Variants in DGCR2 observed in about 807,000 individuals in gnomAD.
DGCR2 encodes DiGeorge syndrome critical region gene 2.
In DGCR2, 24 loss-of-function variants were observed where a neutral mutation model predicts 51.6. The ratio of observed to expected loss-of-function variants is 0.47; its 90% CI spans 0.34 to 0.65. The LOEUF (loss-of-function observed/expected upper bound fraction) is 0.65, where lower values mean the gene tolerates loss of function less well. Ranked by LOEUF, DGCR2 falls within the 30% of genes least tolerant of loss-of-function variation. The pLI, the probability that DGCR2 is intolerant of heterozygous loss-of-function variation, is 0.01. For synonymous variants in DGCR2, 340 were observed against 315.4 expected (o/e 1.08, Z -0.82); for missense variants, 765 against 772.1 (o/e 0.99, Z 0.11).
intron 6 of DGCR2, among the ~76,000 whole-genome samples, chr22:19,052,273 G>A (rs2082555968): frequency 6.7e-6 from 1 of 149,730 alleles, no homozygotes; most frequent in East Asian, 2.0e-4. Context: ...AAAATTAGCT[G>A]GGCGTAGTGG....
At chr22:19,042,919 C>G (rs2082449229) in intron 7 of DGCR2, among the ~76,000 whole-genome samples, 1 of 152,176 alleles carries the variant, frequency 6.6e-6, no homozygotes, top group Admixed American at 6.5e-5. Context: ...CCTGACGCAC[C>G]CAGCCCTGGC....
Position 19,039,181 on chromosome 22 carries a change from G to A in DGCR2, c.1397-60C>T, listed in dbSNP as rs1018778896. 67 of 1,595,804 alleles carry A rather than the reference G, an allele frequency of 4.2e-5. No homozygotes were observed. In the African/African-American group the frequency reaches 7.9e-4, roughly 19 times the overall value. ...TACGGGCCTGGCACAGGGGATGCAG[G>A]GGAGCTAGGCAAAACCAGGAGACAC... On this transcript the variant is annotated intron_variant, in intron 9 of 9. Transcript: ENST00000263196.
chr22:19,064,896 T>C lies in DGCR2; in HGVS notation c.500A>G (p.Gln167Arg). Residue 167 changes from glutamine (Q) to arginine (R), a missense_variant, in exon 4 of 10, where the codon CAG (glutamine) becomes CGG (arginine). Coordinates refer to ENST00000263196, the MANE Select transcript of DGCR2 (RefSeq NM_005137.3). ...TDQELRFVLA[Q>R]EWDQPERSFG... ...GCTCCGCTCGGGCTGGTCCCATTCC[T>C]GGGCCAGGACAAAGCGCAGCTCCTG... 1 of 1,613,934 alleles carries C rather than the reference T, an allele frequency of 6.2e-7. No individual in the cohort carries two copies. Among genetic ancestry groups the C allele is most frequent in the East Asian group, 2.2e-5 (1 of 44,880 alleles).
In DGCR2 at chr22:19,122,253, G is replaced by A. The variant is rs1184145156; in HGVS notation, c.-47C>T. 3.5e-6 allele frequency: 5 copies of A among 1,427,002 alleles called. No homozygotes were observed. Among genetic ancestry groups the A allele is most frequent in the Non-Finnish European group, 4.7e-6 (5 of 1,068,508 alleles). 88.4% of individuals were successfully genotyped at this position (1,427,002 alleles called of 1,614,324 possible). ...CGGGGCGGCTGGAAGGCCGGACCAG[G>A]CCGGACTGAGGGTCAGGGGACCGTG... On this transcript the variant is annotated 5_prime_UTR_variant, in exon 1 of 10. Transcript: ENST00000263196.
chr22:19,052,182 C>T (rs1291974644), intron 6 of DGCR2, among the ~76,000 whole-genome samples: 2 of 152,030 alleles, frequency 1.3e-5, no homozygotes, highest in African/African-American at 2.4e-5. Flanking sequence ...TTTGGGAGGC[C>T]GATGCAGGTG....
intron 1 of DGCR2, among the ~76,000 whole-genome samples, chr22:19,097,387 C>T (rs1211799052): frequency 6.6e-6 from 1 of 152,106 alleles, no homozygotes; most frequent in Non-Finnish European, 1.5e-5. Context: ...AACCTCGTCT[C>T]TACTAAAAAC....
At chr22:19,058,745 G>T (rs1016739079) in intron 5 of DGCR2, among the ~76,000 whole-genome samples, 2 of 152,204 alleles carry the variant, frequency 1.3e-5, no homozygotes, top group Admixed American at 6.5e-5. Flanking sequence ...ACCTCTCCGG[G>T]CAGAGTCCTG....
At chr22:19,050,844 A>C (rs1215416893) in intron 6 of DGCR2, among the ~76,000 whole-genome samples, 1 of 152,202 alleles carries the variant, frequency 6.6e-6, no homozygotes, top group Admixed American at 6.5e-5. Flanking sequence ...AAAACACAGA[A>C]GAAATGTAAG....
At chr22:19,056,466 C>T (rs544829564) in intron 6 of DGCR2, 6 of 550,692 alleles carry the variant, frequency 1.1e-5, no homozygotes, top group South Asian at 9.6e-5. Flanking sequence ...AGCCAGAAGC[C>T]TGTGATGGTG....
Position 19,057,108 on chromosome 22 carries a change from T to C in DGCR2, c.680A>G (p.Glu227Gly). ...PDPIFASAMSENDNVFCAQLQ... is the reference protein window; with the variant it reads ...PDPIFASAMSGNDNVFCAQLQ... The stretch of plus-strand genomic sequence containing the variant: ...CTGGGCACAGAACACGTTGTCGTTC[T>C]CAGACATGGCCGAGGCAAAGATGGG... The change falls in exon 6 of 10, where the codon GAG becomes GGG. Residue 227 changes from glutamate (E) to glycine (G), a missense_variant. By Grantham distance (98) the Glu-to-Gly change is moderately conservative. Transcript: ENST00000263196. The surrounding 1 kb of genome is among the most constrained non-coding windows in gnomAD (Gnocchi z 5.1). 1.2e-6 allele frequency: 2 copies of C among 1,608,126 alleles called. No homozygotes were observed. Among genetic ancestry groups the C allele is most frequent in the Admixed American group, 1.7e-5 (1 of 59,076 alleles).
chr22:19,050,384 G>GA (rs2082536551), intron 6 of DGCR2, among the ~76,000 whole-genome samples: 1 of 152,208 alleles, frequency 6.6e-6, no homozygotes, highest in African/African-American at 2.4e-5. Context: ...TCTGAAAAAT[G>GA]AAAGTAAAAT....
chr22:19,053,918 T>C (rs2082574685), intron 6 of DGCR2, among the ~76,000 whole-genome samples: 1 of 152,104 alleles, frequency 6.6e-6, no homozygotes, highest in Non-Finnish European at 1.5e-5. Context: ...AGATGAAGAA[T>C]ACCTTCAATG....
Position 19,038,814 on chromosome 22 carries a change from T to C in DGCR2, c.*51A>G. 6.3e-7 allele frequency: 1 copy of C among 1,585,602 alleles called. No homozygotes were observed. Among genetic ancestry groups the C allele is most frequent in the Non-Finnish European group, 8.6e-7 (1 of 1,163,106 alleles). ...TTCAAGTCTCCCCAGGGACCGGTGT[T>C]TTCTACAACAGACAGGTGCTCCCAG... On this transcript the variant is annotated 3_prime_UTR_variant, in exon 10 of 10. Coordinates refer to ENST00000263196, the MANE Select transcript of DGCR2 (RefSeq NM_005137.3).
Position 19,065,168 on chromosome 22 carries a change from T to C in DGCR2, c.329-101A>G, listed in dbSNP as rs972939767. ...GACAGGCACACCTTGTAAATCACCC[T>C]AGAGAAGTGGGGAAACTGAGGCTCA... On this transcript the variant is annotated intron_variant, in intron 3 of 9. Transcript: ENST00000263196. 12 of 1,026,410 alleles carry C rather than the reference T, an allele frequency of 1.2e-5. No individual in the cohort carries two copies. The Admixed American group carries it at 1.9e-4, about 17-fold the overall frequency. The allele number at this position is 1,026,410 out of a possible 1,614,324, so 63.6% of individuals were successfully genotyped here. A position where few individuals can be genotyped will look rare whatever the true frequency, so the allele number is the denominator to read the frequency against.
intron 2 of DGCR2, among the ~76,000 whole-genome samples, chr22:19,080,525 C>A (rs1199757744): frequency 1.3e-5 from 2 of 152,216 alleles, no homozygotes; most frequent in Non-Finnish European, 2.9e-5. Context: ...GGCTACTACA[C>A]TGGACAGTGT....
chr22:19,081,899 C>T, intron 2 of DGCR2, among the ~76,000 whole-genome samples: 1 of 152,140 alleles, frequency 6.6e-6, no homozygotes, highest in South Asian at 2.1e-4. Flanking sequence ...ATTTAAATGT[C>T]TTTTTCTATG....
intron 6 of DGCR2, 129 bp downstream of exon 6, chr22:19,056,857 G>A: frequency 5.8e-6 from 6 of 1,042,030 alleles, no homozygotes; most frequent in Non-Finnish European, 6.8e-6. Context: ...AACAAGGTGT[G>A]AGCTGGTAAG....
At chr22:19,098,064 C>T (rs979568309) in intron 1 of DGCR2, among the ~76,000 whole-genome samples, 3 of 152,108 alleles carry the variant, frequency 2.0e-5, no homozygotes, top group African/African-American at 7.2e-5. Context: ...CTGTCCTTTT[C>T]TTTCTTTCTC....
chr22:19,067,614 C>T (rs1475974525), intron 3 of DGCR2, among the ~76,000 whole-genome samples: 2 of 151,994 alleles, frequency 1.3e-5, no homozygotes, highest in Non-Finnish European at 2.9e-5. Flanking sequence ...AATCACTTAA[C>T]CTGGAAGGCA....
Sources: allele counts gnomAD v4.1 joint callset (sites outside exome capture counted in the v4.1 genomes callset), GRCh38; gene constraint gnomAD v4.1.1; non-coding constraint Gnocchi (gnomAD v3.1); transcripts MANE v1.5; gene names NCBI Gene and HGNC (gene_info 2026-07-23, HGNC 2026-07-21).